The following MCM6 variants were observed in gnomAD, a reference collection of about 807,000 sequenced individuals.
MCM6 encodes the protein minichromosome maintenance complex component 6.
A neutral mutation model predicts 94.3 loss-of-function variants in MCM6; 46 were observed. The ratio of observed to expected loss-of-function variants is 0.49; its 90% CI spans 0.39 to 0.62. The LOEUF (loss-of-function observed/expected upper bound fraction) is 0.62. Among genes scored for constraint, MCM6 ranks in the 20% least tolerant of loss-of-function variants. MCM6 has a pLI of 0.00. For synonymous variants in MCM6, 335 were observed against 351.9 expected, an observed-to-expected ratio of 0.95 and a Z score of 0.54; for missense variants, 865 against 1,017.9, an observed-to-expected ratio of 0.85 and a Z score of 2.04.
At chr2:135,872,184 G>A (rs1575369022) in intron 2 of MCM6, among the ~76,000 whole-genome samples, 1 of 152,138 alleles carries the variant, frequency 6.6e-6, no homozygotes, top group Non-Finnish European at 1.5e-5. Flanking sequence ...GGTGGCTCAC[G>A]CCTGTAATCC....
In MCM6 at chr2:135,840,564, C is replaced by A; in HGVS notation, c.*271G>T. 1 of 312,902 alleles carries A rather than the reference C, an allele frequency of 3.2e-6. No homozygotes were observed. The highest frequency in any genetic ancestry group is 4.7e-5 in the Admixed American group (1 of 21,498). 19.4% of individuals were successfully genotyped at this position (312,902 alleles called of 1,614,324 possible). ...ATGGGCCTTTTCTTACACATGAAAA[C>A]AAAGGTATTGGTTATAGAGACTACA... On this transcript the variant is annotated 3_prime_UTR_variant, in exon 17 of 17. Coordinates refer to ENST00000264156, the MANE Select transcript of MCM6 (RefSeq NM_005915.6).
In MCM6 at chr2:135,862,598, A is replaced by C. The variant is rs745773651; in HGVS notation, c.1220+9T>G. On this transcript the variant is annotated intron_variant, in intron 8 of 16. Coordinates refer to ENST00000264156, the MANE Select transcript of MCM6 (RefSeq NM_005915.6). The stretch of plus-strand genomic sequence containing the variant: ...TTTTCCTGCAACACTGTATCAGGCA[A>C]ACGCTTACTTGAGAAATTGGCTCTT... 8 of 1,614,012 alleles carry C rather than the reference A, an allele frequency of 5.0e-6. No homozygotes were observed. The highest frequency in any genetic ancestry group is 6.8e-6 in the Non-Finnish European group (8 of 1,180,006).
chr2:135,862,764 G>C lies in MCM6; in HGVS notation c.1079-16C>G. On this transcript the variant is annotated splice_polypyrimidine_tract_variant and intron_variant, in intron 7 of 16. Transcript: ENST00000264156. Reference sequence around the variant, plus strand: ...TCATCATTGCCTGAAATGAAAAGAAGCTACAGATGAAAAACTAATTTTTCA... The same window carrying C: ...TCATCATTGCCTGAAATGAAAAGAACCTACAGATGAAAAACTAATTTTTCA... The C allele has an allele frequency of 1.9e-6, 3 of 1,610,914 alleles. No individual in the cohort carries two copies. Among genetic ancestry groups the C allele is most frequent in the Non-Finnish European group, 2.5e-6 (3 of 1,178,662 alleles).
rs1165904558 is a variant in MCM6, at chr2:135,840,890, C to T, written c.2411G>A (p.Ser804Asn). The part of the protein sequence containing the change: ...GLKGSTEGSE[S>N]YEEDPYLVVN... The stretch of plus-strand genomic sequence containing the variant: ...TACCAAGTAGGGATCTTCTTCATAG[C>T]TCTCACTTCCCTCTGTGGAGCCTTT... Residue 804 changes from serine (S) to asparagine (N), a missense_variant, in exon 17 of 17, where the codon AGC (serine) becomes AAC (asparagine). Ser to Asn is a conservative substitution (Grantham distance 46, BLOSUM62 1). Transcript: ENST00000264156. The T allele has an allele frequency of 1.2e-6, 2 of 1,614,052 alleles. No homozygotes were observed. Among genetic ancestry groups the T allele is most frequent in the East Asian group, 4.5e-5 (2 of 44,902 alleles).
intron 1 of MCM6, 93 bp from the exon 2 acceptor site, chr2:135,872,936 A>G: frequency 7.0e-7 from 1 of 1,422,264 alleles, no homozygotes; most frequent in Non-Finnish European, 9.6e-7. Context: ...TCCAACAACT[A>G]GGCTCAGACA....
intron 13 of MCM6, among the ~76,000 whole-genome samples, chr2:135,850,558 T>G (rs1312516037): frequency 6.6e-6 from 1 of 152,180 alleles, no homozygotes; most frequent in Non-Finnish European, 1.5e-5. Flanking sequence ...GTGAAAGTAC[T>G]TCGTCAATAG....
intron 16 of MCM6, among the ~76,000 whole-genome samples, chr2:135,841,401 T>C (rs1035956932): frequency 1.3e-5 from 2 of 152,128 alleles, no homozygotes; most frequent in Non-Finnish European, 2.9e-5. Context: ...TGAAAATTCA[T>C]CTGAAAAATT....
In MCM6 at chr2:135,856,469, A is replaced by C. The variant is rs1558758323; in HGVS notation, c.1626+259T>G. Among the ~76,000 whole-genome samples the C allele has an allele frequency of 2.6e-5, 4 of 152,218 alleles. 1 individual carries two copies. In the South Asian group the frequency reaches 8.3e-4, roughly 32 times the overall value. On this transcript the variant is annotated intron_variant, in intron 11 of 16. Transcript: ENST00000264156. ...AAATAAAAAGTGTGGTTGGAAGTTA[A>C]CTGTAACTTGTTTCCTTTTGAGAAA...
chr2:135,841,802 C>T (rs1449832590), intron 16 of MCM6, among the ~76,000 whole-genome samples: 2 of 152,052 alleles, frequency 1.3e-5, no homozygotes, highest in African/African-American at 2.4e-5. Context: ...GGTGGTAAGC[C>T]AAATTTTAAA....
At chr2:135,868,211 A>T (rs1481873681) in intron 4 of MCM6, among the ~76,000 whole-genome samples, 1 of 152,166 alleles carries the variant, frequency 6.6e-6, no homozygotes, top group Non-Finnish European at 1.5e-5. Flanking sequence ...CTTTACTTCA[A>T]TCATGATAAT....
At chr2:135,857,800 C>T (rs1478026177) in intron 10 of MCM6, 97 bp downstream of exon 10, 4 of 928,738 alleles carry the variant, frequency 4.3e-6, no homozygotes, top group African/African-American at 1.6e-5. Context: ...GCATTACACA[C>T]TGAAGTAATG....
chr2:135,857,755 A>C (rs1558758825), intron 10 of MCM6, 142 bp downstream of exon 10: 1 of 617,586 alleles, frequency 1.6e-6, no homozygotes, highest in African/African-American at 1.8e-5. Flanking sequence ...TTCAATAAAT[A>C]ATTCTCAGGG....
chr2:135,870,253 G>A lies in MCM6; in HGVS notation c.363C>T (p.His121=). The change falls in exon 3 of 17, where the codon CAC becomes CAT. Residue 121 remains histidine (H), a splice_region_variant and synonymous_variant. Coordinates refer to ENST00000264156, the MANE Select transcript of MCM6 (RefSeq NM_005915.6). The stretch of plus-strand genomic sequence containing the variant: ...TTTTCCAGAGAAGGGTTTCTTACTT[G>A]TGTCTGGTAGGCAGGTCTTGGAATG... ...YVAFQDLPTR[H]KIRELTSSRI... is the part of the protein sequence containing the mutation. 6.2e-7 allele frequency: 1 copy of A among 1,607,646 alleles called. No individual in the cohort carries two copies. Among genetic ancestry groups the A allele is most frequent in the Non-Finnish European group, 8.5e-7 (1 of 1,174,132 alleles).
At chr2:135,854,045 G>A (rs1040787038) in intron 11 of MCM6, among the ~76,000 whole-genome samples, 14 of 152,100 alleles carry the variant, frequency 9.2e-5, no homozygotes, top group Admixed American at 7.2e-4. Flanking sequence ...CAGGCAACAC[G>A]GCAAAACTCG....
In MCM6 at chr2:135,844,589, T is replaced by C. The variant is rs1423071891; in HGVS notation, c.2305A>G (p.Lys769Glu). The change falls in exon 16 of 17, where the codon AAA (lysine) becomes GAA (glutamate). Residue 769 changes from lysine to glutamate, a missense_variant. Lys to Glu is a moderately conservative substitution (Grantham distance 56, BLOSUM62 1). Around this residue, in one of 3 missense-constraint regions of MCM6, gnomAD observed 308 missense variants for 324.5 expected, o/e 0.95. Transcript: ENST00000264156. ...ATAACTTTCTCTATGATTCTTTTTT[T>C]ATTTATAAGTTCTTCTTCAGAGTCT... ...EIDSEEELIN[K>E]KRIIEKVIHR... is the part of the protein sequence containing the mutation. The C allele has an allele frequency of 2.5e-6, 4 of 1,580,680 alleles. No individual in the cohort carries two copies. The African/African-American group carries it at 4.1e-5, about 16-fold the overall frequency.
Position 135,868,807 on chromosome 2 carries a change from T to G in MCM6, c.419A>C (p.Gln140Pro). ...GTGAACTGGGTGAGTCCGCACCACC[T>G]GCCCACTGATGCGAGTGAGCAAACC... is the stretch of plus-strand genomic sequence containing the variant. ...RIGLLTRISG[Q>P]VVRTHPVHPE... The change falls in exon 4 of 17, where the codon CAG (glutamine) becomes CCG (proline). Residue 140 changes from glutamine (Q) to proline (P), a missense_variant. By Grantham distance (76) the Gln-to-Pro change is moderately conservative (BLOSUM62 -1). Around this residue, in one of 3 missense-constraint regions of MCM6, gnomAD observed 404 missense variants for 451.9 expected, o/e 0.89. Coordinates refer to ENST00000264156, the MANE Select transcript of MCM6 (RefSeq NM_005915.6). The G allele has an allele frequency of 1.9e-6, 3 of 1,614,156 alleles. No individual in the cohort carries two copies. The highest frequency in any genetic ancestry group is 2.5e-6 in the Non-Finnish European group (3 of 1,179,972).
At chr2:135,853,505 T>C (rs1679813991) in intron 11 of MCM6, among the ~76,000 whole-genome samples, 1 of 152,158 alleles carries the variant, frequency 6.6e-6, no homozygotes, top group South Asian at 2.1e-4. Flanking sequence ...TATGAGACAC[T>C]GTTCTCTTAG....
At chr2:135,873,854 T>C (rs309131) in intron 1 of MCM6, among the ~76,000 whole-genome samples, 149,545 of 152,354 alleles carry the variant, frequency 0.98, 73,446 homozygotes, top group East Asian at 1. Context: ...AACTACAAGT[T>C]ATACATATAA....
At chr2:135,843,101 T>C (rs1254284727) in intron 16 of MCM6, among the ~76,000 whole-genome samples, 2 of 152,116 alleles carry the variant, frequency 1.3e-5, no homozygotes, top group Non-Finnish European at 2.9e-5. Flanking sequence ...ATACACACAC[T>C]GAAGCTGGGG....
Sources: gnomAD v4.1 joint callset for allele counts (sites outside exome capture counted in the v4.1 genomes callset) on GRCh38, gnomAD v4.1.1 for gene constraint, gnomAD v4.1.1 regional missense constraint, MANE v1.5 for transcripts, NCBI Gene and HGNC (gene_info 2026-07-23, HGNC 2026-07-21) for gene names.